The following ASAP1 variants were observed in gnomAD, a reference collection of about 807,000 sequenced individuals.
The protein encoded by ASAP1 is arf-GAP with SH3 domain, ANK repeat and PH domain-containing protein 1.
ASAP1 carries 43 observed loss-of-function variants against 145.2 expected under a neutral mutation model. That is an observed-to-expected ratio of 0.30 (90% CI 0.23 to 0.38). The LOEUF (loss-of-function observed/expected upper bound fraction) is 0.38, where lower values mean the gene tolerates loss of function less well. Ranked by LOEUF, ASAP1 falls within the 10% of genes least tolerant of loss-of-function variation. The pLI is 1.00. For missense variants in ASAP1, 1,018 were observed against 1,355.3 expected (o/e 0.75, Z 3.91); for synonymous variants, 546 against 515.5 (o/e 1.06, Z -0.80).
In ASAP1 at chr8:130,118,228, G is replaced by A. The variant is rs1236687965; in HGVS notation, c.1813C>T (p.Leu605Phe). The change falls in exon 20 of 30, where the codon CTT becomes TTT. Residue 605 changes from leucine (L) to phenylalanine (F), a missense_variant. This residue lies in a region of ASAP1 where 353 missense variants were observed against 375.4 expected (regional missense o/e 0.94). Transcript: ENST00000518721. ...EPGQELGETA[L>F]HLAVRTADQT... ...TCTGCAGTTCGGACGGCAAGGTGAA[G>A]GGCTGTCTCCCCAAGCTCCTAAAAA... is the stretch of plus-strand genomic sequence containing the variant. 2 of 1,613,770 alleles carry A rather than the reference G, an allele frequency of 1.2e-6. No homozygotes were observed. The highest frequency in any genetic ancestry group is 1.3e-5 in the African/African-American group (1 of 74,888).
chr8:130,278,778 G>A (rs962781982), intron 3 of ASAP1, among the ~76,000 whole-genome samples: 1 of 152,054 alleles, frequency 6.6e-6, no homozygotes. Flanking sequence ...GTTGTTTCTG[G>A]GCCACCCAAC....
chr8:130,128,161 TTTTGCCACTGCAAAA>T, intron 15 of ASAP1, 71 bp from the exon 16 acceptor site: 1 of 813,784 alleles, frequency 1.2e-6, no homozygotes, highest in Non-Finnish European at 1.6e-6. Context: ...TTTTTTTTTT[TTTTGCCACTGCAAAA>T]AAAAAAAATC....
rs74586550 is a variant in ASAP1, at chr8:130,125,256, A to G, written c.1515+700T>C. On this transcript the variant is annotated intron_variant, in intron 17 of 29. Transcript: ENST00000518721. ...ATTATGCAAAATGGGGCATTTGTCC[A>G]GTAGGCATCCTACTTGGGGGATGCC... is the stretch of plus-strand genomic sequence containing the variant. Among the ~76,000 whole-genome samples the G allele has an allele frequency of 9.4e-3, 1,438 of 152,252 alleles. 8 individuals carry two copies. Among genetic ancestry groups the G allele is most frequent in the South Asian group, 0.015 (73 of 4,824 alleles).
In ASAP1 at chr8:130,053,344, G is replaced by A. The variant is rs1165555801; in HGVS notation, c.*1387C>T. Reference sequence around the variant, plus strand: ...TCAGGGAACAGTTCCACTGACTGTGGAGTACAACTATTGCATTCTTTTCCA... The same window carrying A: ...TCAGGGAACAGTTCCACTGACTGTGAAGTACAACTATTGCATTCTTTTCCA... On this transcript the variant is annotated 3_prime_UTR_variant, in exon 30 of 30. Transcript: ENST00000518721. 2 of 152,342 alleles carry A rather than the reference G, an allele frequency of 1.3e-5. No individual in the cohort carries two copies. Among genetic ancestry groups the A allele is most frequent in the East Asian group, 3.9e-4 (2 of 5,190 alleles). 9.4% of individuals were successfully genotyped at this position (152,342 alleles called of 1,614,324 possible).
rs192616597 is a variant in ASAP1 at position 130,227,498 on chromosome 8, T to G, written c.259+9424A>C. On this transcript the variant is annotated intron_variant, in intron 4 of 29. Coordinates refer to ENST00000518721, the MANE Select transcript of ASAP1 (RefSeq NM_018482.4). ...GTCTCGAATTCCTGGGCTCAAGTGATTCGCCTCCCTTGGCCTCCCAAAGTG... is the reference window on the plus strand; with the variant it reads ...GTCTCGAATTCCTGGGCTCAAGTGAGTCGCCTCCCTTGGCCTCCCAAAGTG... 5.7e-3 allele frequency among the ~76,000 whole-genome samples: 865 copies of G among 152,134 alleles called. 10 individuals carry two copies. The highest frequency in any genetic ancestry group is 9.4e-3 in the Non-Finnish European group (639 of 67,996).
rs573049023 is a variant in ASAP1, at chr8:130,226,539, C to T, written c.259+10383G>A. ...CCATGCCACTTTGGATGATTCATTT[C>T]TATAATTTCTCAAGGTCATTTTGAC... is the stretch of plus-strand genomic sequence containing the variant. On this transcript the variant is annotated intron_variant, in intron 4 of 29. Transcript: ENST00000518721. Among the ~76,000 whole-genome samples, 12 of 152,274 alleles carry T rather than the reference C, an allele frequency of 7.9e-5. No individual in the cohort carries two copies. In the South Asian group the frequency reaches 1.0e-3, roughly 13 times the overall value.
intron 3 of ASAP1, among the ~76,000 whole-genome samples, chr8:130,264,005 T>C (rs1820096427): frequency 1.3e-5 from 2 of 152,188 alleles, no homozygotes; most frequent in South Asian, 4.1e-4. Flanking sequence ...TTCTAGCCCC[T>C]GTTAAAACTA....
intron 24 of ASAP1, among the ~76,000 whole-genome samples, chr8:130,111,379 T>C (rs2097546577): frequency 6.6e-6 from 1 of 152,036 alleles, no homozygotes; most frequent in Non-Finnish European, 1.5e-5. Context: ...CCAAGTACTG[T>C]CTCTGGAAAA....
intron 3 of ASAP1, among the ~76,000 whole-genome samples, chr8:130,316,562 GA>G (rs1390259726): frequency 6.6e-6 from 1 of 152,208 alleles, no homozygotes; most frequent in Non-Finnish European, 1.5e-5. Context: ...ATGGGTTCTG[GA>G]AAAGAAGTGG....
chr8:130,101,415 T>C (rs2097528516), intron 24 of ASAP1, among the ~76,000 whole-genome samples: 1 of 152,218 alleles, frequency 6.6e-6, no homozygotes, highest in African/African-American at 2.4e-5. Context: ...ATCATGAGCA[T>C]GTGATGTCTT....
At chr8:130,188,424 G>A (rs1814891731) in intron 5 of ASAP1, among the ~76,000 whole-genome samples, 1 of 151,944 alleles carries the variant, frequency 6.6e-6, no homozygotes, top group Admixed American at 6.6e-5. Context: ...TGTGAGTGAG[G>A]AGCTAAGATT....
chr8:130,113,248 G>T (rs2097549497), intron 23 of ASAP1, among the ~76,000 whole-genome samples: 1 of 152,254 alleles, frequency 6.6e-6, no homozygotes, highest in Non-Finnish European at 1.5e-5. Context: ...ACCCAGCCAG[G>T]TGAATGCATC....
At chr8:130,430,329 G>A (rs144119500) in intron 1 of ASAP1, among the ~76,000 whole-genome samples, 44 of 152,304 alleles carry the variant, frequency 2.9e-4, no homozygotes, top group Non-Finnish European at 5.0e-4. Context: ...TTGTACGTAC[G>A]TATGTGTTAG....
At chr8:130,415,004 C>G (rs188911837) in intron 1 of ASAP1, among the ~76,000 whole-genome samples, 3 of 152,238 alleles carry the variant, frequency 2.0e-5, no homozygotes, top group African/African-American at 4.8e-5. Context: ...GTGATCCCCC[C>G]ACCTTGGCCT....
chr8:130,278,855 TC>T lies in ASAP1; in HGVS notation c.187-41862del, dbSNP rs562979009. 5.3e-5 allele frequency among the ~76,000 whole-genome samples: 8 copies of T among 152,292 alleles called. No individual in the cohort carries two copies. The South Asian group carries it at 1.4e-3, about 28-fold the overall frequency. ...AGAATTCAAATCCATGGCTTTTACCTCTTACTTTTAAGTCTTTTCATAAAGG... is the reference window on the plus strand; with the variant it reads ...AGAATTCAAATCCATGGCTTTTACCTTTACTTTTAAGTCTTTTCATAAAGG... On this transcript the variant is annotated intron_variant, in intron 3 of 29. Coordinates refer to ENST00000518721, the MANE Select transcript of ASAP1 (RefSeq NM_018482.4).
chr8:130,163,279 G>C (rs2097673406), intron 11 of ASAP1, among the ~76,000 whole-genome samples: 1 of 152,128 alleles, frequency 6.6e-6, no homozygotes, highest in African/African-American at 2.4e-5. Flanking sequence ...TTTAAACAAG[G>C]ATTCAGACAC....
chr8:130,421,293 A>T, intron 1 of ASAP1, among the ~76,000 whole-genome samples: 1 of 152,306 alleles, frequency 6.6e-6, no homozygotes, highest in East Asian at 1.9e-4. Context: ...ATATCACTTT[A>T]TCAGGAGTTT....
intron 24 of ASAP1, among the ~76,000 whole-genome samples, chr8:130,094,147 T>C (rs2097512053): frequency 6.6e-6 from 1 of 152,234 alleles, no homozygotes; most frequent in African/African-American, 2.4e-5. Context: ...ATCTGTATAA[T>C]GCTTTGTAGT....
chr8:130,243,671 T>G (rs1818679042), intron 3 of ASAP1, among the ~76,000 whole-genome samples: 1 of 152,140 alleles, frequency 6.6e-6, no homozygotes, highest in Non-Finnish European at 1.5e-5. Flanking sequence ...CTGACCTCTC[T>G]CCTGAAATCT....
Sources: gnomAD v4.1 joint callset for allele counts (sites outside exome capture counted in the v4.1 genomes callset) on GRCh38, gnomAD v4.1.1 for gene constraint, gnomAD v4.1.1 regional missense constraint, MANE v1.5 for transcripts, NCBI Gene and HGNC (gene_info 2026-07-23, HGNC 2026-07-21) for gene names.